EML5: variants seen among roughly 807,000 people sequenced by gnomAD.
EML5 encodes the protein EMAP like 5, also known as echinoderm microtubule-associated protein-like 5.
EML5 carries 120 observed loss-of-function variants against 250.0 expected under a neutral mutation model. The ratio of observed to expected loss-of-function variants is 0.48; its 90% CI spans 0.41 to 0.56. The LOEUF (loss-of-function observed/expected upper bound fraction) is 0.56, where lower values mean the gene tolerates loss of function less well. Among genes scored for constraint, EML5 ranks in the 20% least tolerant of loss-of-function variants. The probability of loss-of-function intolerance (pLI) is 0.00; values close to 1 mark genes in which losing one functional copy is unlikely to be tolerated. For missense variants in EML5, 2,006 were observed against 2,437.6 expected (o/e 0.82, Z 3.73); for synonymous variants, 771 against 806.5 (o/e 0.96, Z 0.75).
intron 1 of EML5, among the ~76,000 whole-genome samples, chr14:88,791,773 T>C (rs1398057169): frequency 6.6e-6 from 1 of 152,096 alleles, no homozygotes; most frequent in Non-Finnish European, 1.5e-5. Flanking sequence ...TTGCCTGGGG[T>C]TTCTGCTGAT....
rs201082818 is a variant in EML5, at chr14:88,651,246, T to TGTC, written c.4005-1323_4005-1321dup. Reference sequence around the variant, plus strand: ...ACCCTCTCTCTCCCTCCCCACACCTTGTCATTTTCAAAATATTTAGCAGGG... The same window carrying TGTC: ...ACCCTCTCTCTCCCTCCCCACACCTTGTCGTCATTTTCAAAATATTTAGCAGGG... On this transcript the variant is annotated intron_variant, in intron 27 of 43. Coordinates refer to ENST00000554922, the MANE Select transcript of EML5 (RefSeq NM_183387.3). 9.7e-3 allele frequency among the ~76,000 whole-genome samples: 1,466 copies of TGTC among 151,184 alleles called. 30 individuals are homozygous for TGTC. The highest frequency in any genetic ancestry group is 0.033 in the African/African-American group (1,376 of 41,190).
At chr14:88,735,788 T>A (rs1363581814) in intron 7 of EML5, among the ~76,000 whole-genome samples, 1 of 152,192 alleles carries the variant, frequency 6.6e-6, no homozygotes, top group African/African-American at 2.4e-5. Context: ...AGTAATGGAT[T>A]AGTTGAATAA....
intron 17 of EML5, among the ~76,000 whole-genome samples, chr14:88,693,086 T>C (rs1158244922): frequency 1.3e-5 from 2 of 152,236 alleles, no homozygotes; most frequent in East Asian, 3.8e-4. Flanking sequence ...TACACTTTTG[T>C]ATCATTTAAT....
intron 1 of EML5, among the ~76,000 whole-genome samples, chr14:88,777,352 A>G (rs2094456513): frequency 6.6e-6 from 1 of 152,202 alleles, no homozygotes; most frequent in Non-Finnish European, 1.5e-5. Flanking sequence ...TTATCCCTCA[A>G]CATGAAGGAG....
chr14:88,650,887 C>T (rs921957899), intron 27 of EML5, among the ~76,000 whole-genome samples: 4 of 152,138 alleles, frequency 2.6e-5, no homozygotes, highest in Admixed American at 2.6e-4. Context: ...AGCAGTCCTC[C>T]CACTTCAGCC....
intron 2 of EML5, among the ~76,000 whole-genome samples, chr14:88,750,898 C>A (rs2094083796): frequency 6.6e-6 from 1 of 152,158 alleles, no homozygotes; most frequent in East Asian, 1.9e-4. Context: ...TAAAATTTCA[C>A]AAGACAAGTA....
At chr14:88,679,237 T>G (rs1337904630) in intron 21 of EML5, among the ~76,000 whole-genome samples, 2 of 150,840 alleles carry the variant, frequency 1.3e-5, no homozygotes, top group African/African-American at 4.9e-5. Flanking sequence ...TCACAAGTAC[T>G]GGGGGGTTAG....
intron 21 of EML5, among the ~76,000 whole-genome samples, chr14:88,670,596 G>A (rs1276252069): frequency 1.3e-5 from 2 of 152,178 alleles, no homozygotes; most frequent in Non-Finnish European, 2.9e-5. Flanking sequence ...GTAGGCTTCA[G>A]AAGGTGGGTA....
Position 88,696,901 on chromosome 14 carries a change from A to C in EML5, c.2290T>G (p.Leu764Val). 6.2e-7 allele frequency: 1 copy of C among 1,610,192 alleles called. No homozygotes were observed. Among genetic ancestry groups the C allele is most frequent in the Non-Finnish European group, 8.5e-7 (1 of 1,178,024 alleles). The stretch of plus-strand genomic sequence containing the variant: ...TGGTGGTGGCCCTTTAATATGGACA[A>C]TGGTTTAATGGTCTCTGTATCCCAT... ...HIWDTETIKP[L>V]SILKGHHQYG... Residue 764 changes from leucine (L) to valine (V), a missense_variant, in exon 15 of 44, where the codon TTG becomes GTG. This residue lies in a region of EML5 where 1,375 missense variants were observed against 1,590.3 expected (regional missense o/e 0.86). Transcript: ENST00000554922.
At chr14:88,634,413 T>C in intron 33 of EML5, 56 bp downstream of exon 33, 1 of 1,182,662 alleles carries the variant, frequency 8.5e-7, no homozygotes, top group Non-Finnish European at 1.2e-6. Context: ...AAGTTTAATA[T>C]GCACTATCAT....
chr14:88,715,065 G>A lies in EML5; in HGVS notation c.1318C>T (p.Arg440Cys), dbSNP rs758787099. Residue 440 changes from arginine (R) to cysteine (C), a missense_variant, in exon 9 of 44, where the codon CGT becomes TGT. By Grantham distance (180) the Arg-to-Cys change is radical. Coordinates refer to ENST00000554922, the MANE Select transcript of EML5 (RefSeq NM_183387.3). ...AAACACTCGCCAACTTTTTTATAAC[G>A]CTGAGCAACTCCATAAATATCAACC... ...SSVDIYGVAQ[R>C]YKKVGECLGS... 3.9e-5 allele frequency: 63 copies of A among 1,613,592 alleles called. No homozygotes were observed. Among genetic ancestry groups the A allele is most frequent in the Admixed American group, 3.0e-4 (18 of 59,944 alleles).
At chr14:88,701,651 T>C (rs188659382) in intron 14 of EML5, among the ~76,000 whole-genome samples, 23 of 152,214 alleles carry the variant, frequency 1.5e-4, no homozygotes, top group East Asian at 9.7e-4. Flanking sequence ...GAAAGCTATA[T>C]AGGAGGATGC....
chr14:88,777,564 G>A (rs1218586168), intron 1 of EML5, among the ~76,000 whole-genome samples: 1 of 152,046 alleles, frequency 6.6e-6, no homozygotes, highest in East Asian at 1.9e-4. Context: ...CTGCAACTGT[G>A]GTATGTAAAC....
intron 8 of EML5, among the ~76,000 whole-genome samples, chr14:88,721,793 G>C (rs193109131): frequency 1.3e-5 from 2 of 151,846 alleles, no homozygotes; most frequent in African/African-American, 4.8e-5. Flanking sequence ...AAAGAGCTTC[G>C]GCACAATAAA....
At chr14:88,761,249 C>T (rs1426099465) in intron 1 of EML5, among the ~76,000 whole-genome samples, 1 of 151,918 alleles carries the variant, frequency 6.6e-6, no homozygotes, top group African/African-American at 2.4e-5. Context: ...ATGTGCAGAA[C>T]GTGCAGGTTT....
rs1763100472 is a variant in EML5 at position 88,792,793 on chromosome 14, G to A, written c.-290C>T. 6 of 994,122 alleles carry A rather than the reference G, an allele frequency of 6.0e-6. 1 individual carries two copies. The highest frequency in any genetic ancestry group is 9.4e-5 in the South Asian group (2 of 21,178). 61.6% of individuals were successfully genotyped at this position (994,122 alleles called of 1,614,324 possible). A position where few individuals can be genotyped will look rare whatever the true frequency, so the allele number is the denominator to read the frequency against. ...TCGGCTCGCCTAGTCTCCTCAGCCCGTAGCGCCTGGGCCGAGAGCGAGGGC... is the reference window on the plus strand; with the variant it reads ...TCGGCTCGCCTAGTCTCCTCAGCCCATAGCGCCTGGGCCGAGAGCGAGGGC... On this transcript the variant is annotated 5_prime_UTR_variant, in exon 1 of 44. It adds an upstream start codon to the 5' untranslated region. Coordinates refer to ENST00000554922, the MANE Select transcript of EML5 (RefSeq NM_183387.3). The surrounding 1 kb of genome is among the most constrained non-coding windows in gnomAD (Gnocchi z 6.9).
chr14:88,648,244 A>G (rs1041349868), intron 28 of EML5, among the ~76,000 whole-genome samples: 1 of 152,168 alleles, frequency 6.6e-6, no homozygotes, highest in African/African-American at 2.4e-5. Flanking sequence ...TAAACTCTGT[A>G]TAAATACTGC....
intron 7 of EML5, among the ~76,000 whole-genome samples, chr14:88,728,669 G>A (rs2093705018): frequency 6.6e-6 from 1 of 152,122 alleles, no homozygotes; most frequent in South Asian, 2.1e-4. Flanking sequence ...GGTGGCAGAG[G>A]TGGAAGAAAA....
intron 1 of EML5, among the ~76,000 whole-genome samples, chr14:88,781,200 C>T (rs1260562738): frequency 2.0e-5 from 3 of 152,166 alleles, no homozygotes; most frequent in Admixed American, 6.5e-5. Context: ...TGTGCATATA[C>T]AAAGTGATAA....
Sources: gnomAD v4.1 joint callset for allele counts (sites outside exome capture counted in the v4.1 genomes callset) on GRCh38, gnomAD v4.1.1 for gene constraint, gnomAD v4.1.1 regional missense constraint, Gnocchi (gnomAD v3.1) non-coding constraint, MANE v1.5 for transcripts, NCBI Gene and HGNC (gene_info 2026-07-23, HGNC 2026-07-21) for gene names.